The following SSH1 variants were observed in gnomAD, a reference collection of about 807,000 sequenced individuals.
SSH1 encodes protein phosphatase Slingshot homolog 1.
A neutral mutation model predicts 79.7 loss-of-function variants in SSH1; 43 were observed. The observed-to-expected ratio is 0.54, with a 90% CI of 0.42 to 0.70. The LOEUF is 0.70. Among genes scored for constraint, SSH1 ranks in the 30% least tolerant of loss-of-function variants. The probability of loss-of-function intolerance (pLI) is 0.00; values close to 1 mark genes in which losing one functional copy is unlikely to be tolerated. For synonymous variants in SSH1, 599 were observed against 538.3 expected, an observed-to-expected ratio of 1.11 and a Z score of -1.56; for missense variants, 1,206 against 1,358.8, an observed-to-expected ratio of 0.89 and a Z score of 1.77.
At chr12:108,789,764 G>A (rs2036423758) in intron 14 of SSH1, among the ~76,000 whole-genome samples, 1 of 152,200 alleles carries the variant, frequency 6.6e-6, no homozygotes, top group African/African-American at 2.4e-5. Flanking sequence ...AAGCAAAGCA[G>A]GAAGGAGGAG....
At chr12:108,846,409 G>C (rs183206576) in intron 2 of SSH1, among the ~76,000 whole-genome samples, 1 of 152,140 alleles carries the variant, frequency 6.6e-6, no homozygotes, top group Non-Finnish European at 1.5e-5. Flanking sequence ...GCCAGCTCCC[G>C]GGATGGCAAG....
intron 7 of SSH1, among the ~76,000 whole-genome samples, chr12:108,808,524 C>T (rs561687019): frequency 6.6e-5 from 10 of 152,226 alleles, no homozygotes; most frequent in Non-Finnish European, 8.8e-5. Flanking sequence ...GCTCCTGAAG[C>T]GTGGTAACCC....
chr12:108,796,056 C>A (rs980415997), intron 13 of SSH1, among the ~76,000 whole-genome samples: 5 of 152,050 alleles, frequency 3.3e-5, no homozygotes, highest in Non-Finnish European at 5.9e-5. Context: ...GCTGGGATTA[C>A]AGGTGCACGC....
rs1024821862 is a variant in SSH1 at position 108,792,531 on chromosome 12, C to A, written c.1648G>T (p.Val550Leu). The change falls in exon 14 of 15, where the codon GTG becomes TTG. Residue 550 changes from valine (V) to leucine (L), a missense_variant. By Grantham distance (32) the Val-to-Leu change is conservative. Coordinates refer to ENST00000326495, the MANE Select transcript of SSH1 (RefSeq NM_018984.4). Reference sequence around the variant, plus strand: ...TGGGGCTGTCTGGCCGGCCTGTGCACCTCTGCAGGTGGAGCAGCTTCCTCC... The same window carrying A: ...TGGGGCTGTCTGGCCGGCCTGTGCAACTCTGCAGGTGGAGCAGCTTCCTCC... Reference protein sequence around the residue: ...LLEEAAPPAEVHRPARQPQQG... With the variant: ...LLEEAAPPAELHRPARQPQQG... 1 of 1,614,058 alleles carries A rather than the reference C, an allele frequency of 6.2e-7. No homozygotes were observed. The highest frequency in any genetic ancestry group is 1.3e-5 in the African/African-American group (1 of 74,914).
intron 9 of SSH1, 30 bp from the exon 10 acceptor site, chr12:108,805,214 A>C (rs2037213973): frequency 1.9e-6 from 3 of 1,603,520 alleles, no homozygotes; most frequent in Non-Finnish European, 2.6e-6. Flanking sequence ...AGGAAAAGTG[A>C]TTTGTTAAAG....
At chr12:108,833,074 G>A (rs2137230681) in intron 2 of SSH1, among the ~76,000 whole-genome samples, 1 of 152,186 alleles carries the variant, frequency 6.6e-6, no homozygotes, top group Admixed American at 6.5e-5. Context: ...GACATTCTCT[G>A]AGCCAGCTAC....
intron 3 of SSH1, among the ~76,000 whole-genome samples, chr12:108,818,856 A>C (rs2038004421): frequency 6.6e-6 from 1 of 152,172 alleles, no homozygotes; most frequent in Admixed American, 6.5e-5. Context: ...TGGATTCAAC[A>C]GATTCTTCTG....
In SSH1 at chr12:108,785,908, A is replaced by C. The variant is rs1281472854; in HGVS notation, c.*2080T>G. Reference sequence around the variant, plus strand: ...TTGTTGGCTGAGGGAAAGGGGGAACAACCCACAGGGGTTTAGGAATAAGTG... The same window carrying C: ...TTGTTGGCTGAGGGAAAGGGGGAACCACCCACAGGGGTTTAGGAATAAGTG... On this transcript the variant is annotated 3_prime_UTR_variant, in exon 15 of 15. Transcript: ENST00000326495. 4 of 152,316 alleles carry C rather than the reference A, an allele frequency of 2.6e-5. No individual in the cohort carries two copies. Among genetic ancestry groups the C allele is most frequent in the African/African-American group, 9.6e-5 (4 of 41,576 alleles). The allele number at this position is 152,316 out of a possible 1,614,324, so 9.4% of individuals were successfully genotyped here.
chr12:108,804,296 A>G (rs368755553), intron 10 of SSH1, among the ~76,000 whole-genome samples: 1 of 152,222 alleles, frequency 6.6e-6, no homozygotes, highest in African/African-American at 2.4e-5. Flanking sequence ...GACTTCTTCC[A>G]AGTCACATAG....
chr12:108,854,137 A>G (rs1006899313), intron 1 of SSH1, among the ~76,000 whole-genome samples: 1 of 152,216 alleles, frequency 6.6e-6, no homozygotes, highest in Non-Finnish European at 1.5e-5. Flanking sequence ...ATGCGGAGCA[A>G]GTTCTCTCAA....
intron 2 of SSH1, among the ~76,000 whole-genome samples, chr12:108,849,284 T>C (rs1185803162): frequency 1.3e-5 from 2 of 152,180 alleles, no homozygotes; most frequent in African/African-American, 4.8e-5. Context: ...GCAGTGACTG[T>C]CATCACGCCT....
At chr12:108,819,916 C>G (rs1205015257) in intron 3 of SSH1, among the ~76,000 whole-genome samples, 2 of 152,204 alleles carry the variant, frequency 1.3e-5, no homozygotes, top group Admixed American at 6.5e-5. Flanking sequence ...GCAAAAGCAT[C>G]TTTTTCATTT....
chr12:108,787,672 C>A lies in SSH1; in HGVS notation c.*316G>T, dbSNP rs2036320309. ...TTCTGCAGGATGCGAAGGGAACAGT[C>A]TGGATGTGTGCGCCTATGTGTGCAC... On this transcript the variant is annotated 3_prime_UTR_variant, in exon 15 of 15. Coordinates refer to ENST00000326495, the MANE Select transcript of SSH1 (RefSeq NM_018984.4). 1 of 415,566 alleles carries A rather than the reference C, an allele frequency of 2.4e-6. No homozygotes were observed. The highest frequency in any genetic ancestry group is 4.5e-6 in the Non-Finnish European group (1 of 221,608). The allele number at this position is 415,566 out of a possible 1,614,324, so 25.7% of individuals were successfully genotyped here. A position where few individuals can be genotyped will look rare whatever the true frequency, so the allele number is the denominator to read the frequency against.
intron 1 of SSH1, 49 bp from the exon 2 acceptor site, chr12:108,852,727 C>T (rs770461471): frequency 1.7e-5 from 28 of 1,613,002 alleles, no homozygotes; most frequent in Middle Eastern, 1.6e-4. Flanking sequence ...ACTGTCAACA[C>T]GCCTCGGGCG....
In SSH1 at chr12:108,792,658, G is replaced by A. The variant is rs1166646194; in HGVS notation, c.1521C>T (p.Leu507=). The change falls in exon 14 of 15, where the codon CTC becomes CTT. Residue 507 remains leucine, a synonymous_variant. Transcript: ENST00000326495. ...DAAQPGLGPP[L]PCCFRRLSDP... is the part of the protein sequence containing the mutation. ...CTGAGAGTCGCCGGAAACAGCAGGG[G>A]AGGGGGGGCCCTAAGCCGGGCTGGG... 4.3e-6 allele frequency: 7 copies of A among 1,611,950 alleles called. No homozygotes were observed. Among genetic ancestry groups the A allele is most frequent in the South Asian group, 2.2e-5 (2 of 91,078 alleles).
chr12:108,785,592 T>A lies in SSH1; in HGVS notation c.*2396A>T, dbSNP rs920612999. ...CAGCGCTCTCGTCTGGATGTTGATA[T>A]GCTAGCTGTGCTTCCAAAAATGAAT... On this transcript the variant is annotated 3_prime_UTR_variant, in exon 15 of 15. Coordinates refer to ENST00000326495, the MANE Select transcript of SSH1 (RefSeq NM_018984.4). 1 of 152,240 alleles carries A rather than the reference T, an allele frequency of 6.6e-6. No homozygotes were observed. The highest frequency in any genetic ancestry group is 6.5e-5 in the Admixed American group (1 of 15,282). The allele number at this position is 152,240 out of a possible 1,614,324, so 9.4% of individuals were successfully genotyped here.
intron 14 of SSH1, among the ~76,000 whole-genome samples, chr12:108,791,634 C>CT (rs2036504637): frequency 6.6e-6 from 1 of 152,150 alleles, no homozygotes; most frequent in Non-Finnish European, 1.5e-5. Flanking sequence ...TAGCATGCGC[C>CT]TGTGGTCCCA....
chr12:108,782,149 A>T lies in SSH1; in HGVS notation c.*5839T>A, dbSNP rs1330266098. The T allele has an allele frequency of 1.1e-3, 160 of 150,296 alleles. No individual in the cohort carries two copies. Among genetic ancestry groups the T allele is most frequent in the African/African-American group, 3.7e-3 (152 of 40,874 alleles). The allele number at this position is 150,296 out of a possible 1,614,324, so 9.3% of individuals were successfully genotyped here. A position where few individuals can be genotyped will look rare whatever the true frequency, so the allele number is the denominator to read the frequency against. ...CCCAGTCTCAAAAAAAAAAAAAAAA[A>T]AATTAAAAAAAAAAAAATGGAAGCA... On this transcript the variant is annotated 3_prime_UTR_variant, in exon 15 of 15. Coordinates refer to ENST00000326495, the MANE Select transcript of SSH1 (RefSeq NM_018984.4).
At chr12:108,817,235 A>G in intron 4 of SSH1, 76 bp from the exon 5 acceptor site, 1 of 1,593,372 alleles carries the variant, frequency 6.3e-7, no homozygotes, top group Non-Finnish European at 8.5e-7. Context: ...ATGCAAGATC[A>G]ACACTTTCAG....
Sources: gnomAD v4.1 joint callset for allele counts (sites outside exome capture counted in the v4.1 genomes callset) on GRCh38, gnomAD v4.1.1 for gene constraint, MANE v1.5 for transcripts, NCBI Gene and HGNC (gene_info 2026-07-23, HGNC 2026-07-21) for gene names.